Variants in RIMS1 observed in about 807,000 individuals in gnomAD.
RIMS1 encodes regulating synaptic membrane exocytosis protein 1.
Under a neutral mutation model 214.1 loss-of-function variants are expected in RIMS1, and 83 were observed. The ratio of observed to expected loss-of-function variants is 0.39; its 90% CI spans 0.32 to 0.47. RIMS1 has a LOEUF of 0.47. Among genes scored for constraint, RIMS1 ranks in the 20% least tolerant of loss-of-function variants. RIMS1 has a pLI of 0.99. For synonymous variants in RIMS1, 793 were observed against 786.8 expected, an observed-to-expected ratio of 1.01 and a Z score of -0.13; for missense variants, 2,050 against 2,161.8, an observed-to-expected ratio of 0.95 and a Z score of 1.03.
At chr6:72,005,799 G>A (rs917952281) in intron 2 of RIMS1, among the ~76,000 whole-genome samples, 3 of 152,188 alleles carry the variant, frequency 2.0e-5, no homozygotes, top group African/African-American at 7.2e-5. Context: ...CCTGACATGG[G>A]ACATGTAGAT....
In RIMS1 at chr6:72,248,028, T is replaced by C; in HGVS notation, c.2142T>C (p.Phe714=). 6.2e-7 allele frequency: 1 copy of C among 1,611,756 alleles called. No homozygotes were observed. Among genetic ancestry groups the C allele is most frequent in the East Asian group, 2.2e-5 (1 of 44,804 alleles). ...HPPLESSSSS[F]ESQKMERPSI... ...TTCTCATTTTAGGTTCAAGTTCCTT[T>C]GAATCTCAGAAGATGGAAAGGCCTT... is the stretch of plus-strand genomic sequence containing the variant. Residue 714 remains phenylalanine, a synonymous_variant, in exon 12 of 34, where the codon TTT becomes TTC. Transcript: ENST00000521978.
intron 1 of RIMS1, among the ~76,000 whole-genome samples, chr6:71,908,318 C>T (rs749745386): frequency 1.3e-5 from 2 of 152,144 alleles, no homozygotes; most frequent in Non-Finnish European, 2.9e-5. Flanking sequence ...ATGAGGCATC[C>T]GTTGGTCTAT....
At chr6:71,980,380 A>G (rs1798199905) in intron 2 of RIMS1, among the ~76,000 whole-genome samples, 1 of 152,190 alleles carries the variant, frequency 6.6e-6, no homozygotes, top group African/African-American at 2.4e-5. Context: ...TATTATATGT[A>G]TAACAAATCT....
At chr6:71,902,691 C>T (rs769932903) in intron 1 of RIMS1, among the ~76,000 whole-genome samples, 6 of 151,964 alleles carry the variant, frequency 3.9e-5, no homozygotes, top group South Asian at 4.1e-4. Context: ...CCCCTGCCCC[C>T]GACAGGCCCC....
intron 2 of RIMS1, among the ~76,000 whole-genome samples, chr6:72,073,999 C>T (rs1431850619): frequency 3.3e-5 from 5 of 151,758 alleles, no homozygotes. Flanking sequence ...AATTGGTTGC[C>T]TTTATTATTC....
At chr6:72,352,703 A>G (rs766041026) in intron 29 of RIMS1, among the ~76,000 whole-genome samples, 2 of 152,180 alleles carry the variant, frequency 1.3e-5, no homozygotes, top group African/African-American at 2.4e-5. Flanking sequence ...TCGCAAAAGT[A>G]TAAAAGGGAA....
chr6:72,222,318 T>G (rs2058716982), intron 6 of RIMS1, among the ~76,000 whole-genome samples: 1 of 152,090 alleles, frequency 6.6e-6, no homozygotes, highest in Admixed American at 6.5e-5. Context: ...TAAAAGACAT[T>G]GATTTAAGAA....
chr6:72,043,440 C>G (rs1822035893), intron 2 of RIMS1, among the ~76,000 whole-genome samples: 1 of 151,644 alleles, frequency 6.6e-6, no homozygotes, highest in South Asian at 2.1e-4. Context: ...TCCTGATGAC[C>G]TGTGAGTGTG....
intron 17 of RIMS1, 114 bp downstream of exon 17, chr6:72,258,395 C>G: frequency 8.4e-7 from 1 of 1,188,416 alleles, no homozygotes; most frequent in Non-Finnish European, 1.1e-6. Flanking sequence ...TTATTTTTTT[C>G]AGAATTAATT....
intron 2 of RIMS1, among the ~76,000 whole-genome samples, chr6:72,072,851 T>G (rs1830887098): frequency 6.6e-6 from 1 of 152,186 alleles, no homozygotes; most frequent in South Asian, 2.1e-4. Flanking sequence ...AACATTTCAT[T>G]CAACAAATAT....
intron 2 of RIMS1, among the ~76,000 whole-genome samples, chr6:72,073,516 C>G (rs1181675154): frequency 6.6e-6 from 1 of 152,188 alleles, no homozygotes; most frequent in Non-Finnish European, 1.5e-5. Flanking sequence ...ATGGGTTTCG[C>G]TCTTGATAGA....
At chr6:72,098,289 C>CTTTTTTTT (rs58934201) in intron 3 of RIMS1, among the ~76,000 whole-genome samples, 5 of 143,346 alleles carry the variant, frequency 3.5e-5, no homozygotes, top group Non-Finnish European at 4.6e-5. Flanking sequence ...ATCAATATAT[C>CTTTTTTTT]TTTTTTTTTT....
chr6:71,904,711 A>T (rs1774743062), intron 1 of RIMS1, among the ~76,000 whole-genome samples: 1 of 152,204 alleles, frequency 6.6e-6, no homozygotes, highest in Non-Finnish European at 1.5e-5. Context: ...CAACTATAGG[A>T]TGATGAGAAA....
At chr6:72,344,949 G>A (rs1409633453) in intron 29 of RIMS1, among the ~76,000 whole-genome samples, 2 of 151,682 alleles carry the variant, frequency 1.3e-5, no homozygotes, top group African/African-American at 4.8e-5. Flanking sequence ...TTGTATTTCA[G>A]GGTTTGGAGG....
intron 1 of RIMS1, among the ~76,000 whole-genome samples, chr6:71,923,692 G>A (rs117265829): frequency 1.3e-5 from 2 of 151,710 alleles, no homozygotes; most frequent in Non-Finnish European, 2.9e-5. Flanking sequence ...TCAGCCTCCC[G>A]AGTAGCTGGG....
At chr6:72,296,209 A>T (rs192590140) in intron 26 of RIMS1, among the ~76,000 whole-genome samples, 2,572 of 151,846 alleles carry the variant, frequency 0.017, 32 homozygotes, top group South Asian at 0.024. Flanking sequence ...ATGTTTTTTT[A>T]AAAATTTATT....
chr6:71,893,727 T>C (rs1213766401), intron 1 of RIMS1, among the ~76,000 whole-genome samples: 1 of 152,244 alleles, frequency 6.6e-6, no homozygotes, highest in African/African-American at 2.4e-5. Flanking sequence ...TTTGACTAGA[T>C]TACTTTTCTG....
At chr6:71,967,178 G>A (rs561859839) in intron 1 of RIMS1, among the ~76,000 whole-genome samples, 7 of 152,266 alleles carry the variant, frequency 4.6e-5, no homozygotes, top group Middle Eastern at 3.4e-3. Flanking sequence ...CACGAGGTCA[G>A]GAGATCGAGA....
intron 28 of RIMS1, among the ~76,000 whole-genome samples, chr6:72,314,462 G>A (rs1452736957): frequency 6.6e-6 from 1 of 152,174 alleles, no homozygotes. Context: ...ACATTTTGAT[G>A]ATGTACAATG....
Sources: allele counts gnomAD v4.1 joint callset (sites outside exome capture counted in the v4.1 genomes callset), GRCh38; gene constraint gnomAD v4.1.1; transcripts MANE v1.5; gene names NCBI Gene and HGNC (gene_info 2026-07-23, HGNC 2026-07-21).